The following ANGPTL1 variants were observed in gnomAD, a reference collection of about 807,000 sequenced individuals.
ANGPTL1 encodes angiopoietin like 1.
A neutral mutation model predicts 46.7 loss-of-function variants in ANGPTL1; 36 were observed. The ratio of observed to expected loss-of-function variants is 0.77; its 90% CI spans 0.59 to 1.02. The LOEUF (loss-of-function observed/expected upper bound fraction) is 1.02, where lower values mean the gene tolerates loss of function less well. ANGPTL1 is among the 50% of genes least tolerant of loss of function. The pLI is 0.00. For synonymous variants in ANGPTL1, 221 were observed against 204.3 expected (o/e 1.08, Z -0.69); for missense variants, 571 against 594.7 (o/e 0.96, Z 0.41).
chr1:178,850,996 T>C lies in ANGPTL1; in HGVS notation c.*133A>G. On this transcript the variant is annotated 3_prime_UTR_variant, in exon 6 of 6. Transcript: ENST00000234816. ...TACATTTATAGGTTCCCTTTTATAGTTACGGTAAAATTCATTTTAAAAACT... is the reference window on the plus strand; with the variant it reads ...TACATTTATAGGTTCCCTTTTATAGCTACGGTAAAATTCATTTTAAAAACT... 1 of 818,926 alleles carries C rather than the reference T, an allele frequency of 1.2e-6. No homozygotes were observed. Among genetic ancestry groups the C allele is most frequent in the Non-Finnish European group, 1.7e-6 (1 of 572,312 alleles). The allele number at this position is 818,926 out of a possible 1,614,324, so 50.7% of individuals were successfully genotyped here.
At chr1:178,863,707 A>G (rs554322560) in intron 3 of ANGPTL1, among the ~76,000 whole-genome samples, 17 of 152,342 alleles carry the variant, frequency 1.1e-4, no homozygotes, top group Middle Eastern at 3.4e-3. Context: ...AAAATACTCT[A>G]AAGTAGAATA....
intron 5 of ANGPTL1, 53 bp downstream of exon 5, chr1:178,852,630 T>G: frequency 1.3e-6 from 2 of 1,530,500 alleles, no homozygotes; most frequent in Non-Finnish European, 1.8e-6. Flanking sequence ...TAGATTCTAT[T>G]TAATGCATAG....
Position 178,865,626 on chromosome 1 carries a change from A to G in ANGPTL1, c.151T>C (p.Tyr51His). The G allele has an allele frequency of 2.5e-6, 4 of 1,613,990 alleles. No individual in the cohort carries two copies. Among genetic ancestry groups the G allele is most frequent in the Non-Finnish European group, 2.5e-6 (3 of 1,179,942 alleles). The change falls in exon 3 of 6, where the codon TAC (tyrosine) becomes CAC (histidine). Residue 51 changes from tyrosine to histidine, a missense_variant. By Grantham distance (83) the Tyr-to-His change is moderately conservative (BLOSUM62 2). Transcript: ENST00000234816. ...CTTTGTTCAGGTACCAGGAATGTGT[A>G]TGCACATTTCTTTGCTTCCTCTTTA... ...DGKEEAKKCAYTFLVPEQRIT... is the reference protein window; with the variant it reads ...DGKEEAKKCAHTFLVPEQRIT...
intron 3 of ANGPTL1, among the ~76,000 whole-genome samples, chr1:178,856,669 C>T (rs191555660): frequency 5.9e-5 from 9 of 151,872 alleles, no homozygotes; most frequent in African/African-American, 1.9e-4. Flanking sequence ...TAGTCATCAT[C>T]GGTAATTGTT....
chr1:178,865,136 G>C lies in ANGPTL1; in HGVS notation c.641C>G (p.Pro214Arg), dbSNP rs144366166. 8.8e-5 allele frequency: 141 copies of C among 1,595,294 alleles called. 1 individual carries two copies. Among genetic ancestry groups the C allele is most frequent in the Admixed American group, 1.7e-4 (10 of 59,376 alleles). ...FSRQDTHVSP[P>R]LVQVVPQHIP... ...ATGTTGTGGCACCACCTGGACAAGTGGGGGAGACACATGGGTGTCTTGTCG... is the reference window on the plus strand; with the variant it reads ...ATGTTGTGGCACCACCTGGACAAGTCGGGGAGACACATGGGTGTCTTGTCG... Residue 214 changes from proline to arginine, a missense_variant, in exon 3 of 6, where the codon CCA becomes CGA. Physicochemically the swap from Pro to Arg is moderately radical, Grantham distance 103 (BLOSUM62 -2). Transcript: ENST00000234816.
chr1:178,859,065 A>G (rs796685977), intron 3 of ANGPTL1, among the ~76,000 whole-genome samples: 4 of 152,178 alleles, frequency 2.6e-5, no homozygotes, highest in South Asian at 2.1e-4. Context: ...CTGAAGTGAC[A>G]GTAGGGTCTT....
At chr1:178,868,754 C>T (rs1241584793) in intron 2 of ANGPTL1, among the ~76,000 whole-genome samples, 1 of 151,798 alleles carries the variant, frequency 6.6e-6, no homozygotes, top group Non-Finnish European at 1.5e-5. Context: ...TCACTGTTTA[C>T]CATAAGAGAA....
intron 3 of ANGPTL1, among the ~76,000 whole-genome samples, chr1:178,858,313 C>T (rs539698104): frequency 2.5e-4 from 38 of 152,184 alleles, no homozygotes; most frequent in African/African-American, 9.1e-4. Flanking sequence ...TCTATTGTCC[C>T]TATCTTAAAT....
intron 3 of ANGPTL1, among the ~76,000 whole-genome samples, chr1:178,864,607 C>T (rs899182341): frequency 2.0e-5 from 3 of 152,102 alleles, no homozygotes; most frequent in Non-Finnish European, 2.9e-5. Flanking sequence ...GTAGCAGCGA[C>T]GACCTAGCTA....
At chr1:178,856,435 A>T (rs1657591825) in intron 3 of ANGPTL1, among the ~76,000 whole-genome samples, 2 of 45,738 alleles carry the variant, frequency 4.4e-5, no homozygotes, top group Non-Finnish European at 8.4e-5. Flanking sequence ...TTGAGAGATG[A>T]GGTCTTGGTA....
At chr1:178,853,891 C>T (rs970877321) in intron 3 of ANGPTL1, 104 bp from the exon 4 acceptor site, 6 of 837,998 alleles carry the variant, frequency 7.2e-6, no homozygotes, top group African/African-American at 1.8e-5. Flanking sequence ...TTTACAGTTA[C>T]CATTGTTTAT....
intron 3 of ANGPTL1, among the ~76,000 whole-genome samples, chr1:178,856,892 A>G (rs1435580200): frequency 3.3e-5 from 5 of 152,210 alleles, no homozygotes; most frequent in Non-Finnish European, 7.3e-5. Context: ...AGCTCTTAAC[A>G]TAATTTGTAT....
Position 178,865,664 on chromosome 1 carries a change from C to T in ANGPTL1, c.113G>A (p.Arg38His), listed in dbSNP as rs148415335. 6.2e-6 allele frequency: 10 copies of T among 1,613,930 alleles called. No individual in the cohort carries two copies. Among genetic ancestry groups the T allele is most frequent in the African/African-American group, 5.3e-5 (4 of 75,002 alleles). The part of the protein sequence containing the change: ...IKKINQRRYP[R>H]ATDGKEEAKK... ...TGCTTCCTCTTTACCATCTGTGGCA[C>T]GAGGGTATCTTCTCTGGTTTATTTT... The change falls in exon 3 of 6, where the codon CGT becomes CAT. Residue 38 changes from arginine (R) to histidine (H), a missense_variant. Coordinates refer to ENST00000234816, the MANE Select transcript of ANGPTL1 (RefSeq NM_004673.4).
At chr1:178,859,556 A>G (rs935893362) in intron 3 of ANGPTL1, among the ~76,000 whole-genome samples, 28 of 151,464 alleles carry the variant, frequency 1.8e-4, no homozygotes, top group South Asian at 2.1e-4. Flanking sequence ...GGCGCCCGCC[A>G]CTACGAAGTT....
At chr1:178,853,491 T>C (rs1291541335) in intron 4 of ANGPTL1, 103 bp downstream of exon 4, 7 of 996,720 alleles carry the variant, frequency 7.0e-6, no homozygotes, top group Middle Eastern at 2.6e-4. Flanking sequence ...TATGGATAGT[T>C]ATTTTTAACT....
rs144875625 is a variant in ANGPTL1, at chr1:178,850,903, CATA to C, written c.*223_*225del. ...GAAAACAAACTTTGTATTTAGTCAACATAATTTTTAAAATAACTAGGTTGTGGA... is the reference window on the plus strand; with the variant it reads ...GAAAACAAACTTTGTATTTAGTCAACATTTTTAAAATAACTAGGTTGTGGA... On this transcript the variant is annotated 3_prime_UTR_variant, in exon 6 of 6. Transcript: ENST00000234816. The C allele has an allele frequency of 8.3e-3, 3,139 of 377,864 alleles. 94 individuals carry two copies. The highest frequency in any genetic ancestry group is 0.059 in the African/African-American group (2,851 of 48,088). 23.4% of individuals were successfully genotyped at this position (377,864 alleles called of 1,614,324 possible).
Position 178,853,736 on chromosome 1 carries a change from C to T in ANGPTL1, c.875G>A (p.Gly292Glu). 1 of 1,605,666 alleles carries T rather than the reference C, an allele frequency of 6.2e-7. No homozygotes were observed. Among genetic ancestry groups the T allele is most frequent in the South Asian group, 1.1e-5 (1 of 89,736 alleles). The change falls in exon 4 of 6, where the codon GGG (glycine) becomes GAG (glutamate). Residue 292 changes from glycine to glutamate, a missense_variant. Physicochemically the swap from Gly to Glu is moderately conservative, Grantham distance 98. Coordinates refer to ENST00000234816, the MANE Select transcript of ANGPTL1 (RefSeq NM_004673.4). ...GTTTTCAGGTTTAATCATATAAATC[C>T]CACTGACCGAATGCCCAGCTTCTTT... is the stretch of plus-strand genomic sequence containing the variant. Reference protein sequence around the residue: ...QAKEAGHSVSGIYMIKPENSN... With the variant: ...QAKEAGHSVSEIYMIKPENSN...
intron 3 of ANGPTL1, among the ~76,000 whole-genome samples, chr1:178,861,080 A>G (rs1239933814): frequency 1.3e-5 from 2 of 152,194 alleles, no homozygotes; most frequent in African/African-American, 4.8e-5. Context: ...CAAATGAGAA[A>G]ACACAAACTG....
intron 3 of ANGPTL1, among the ~76,000 whole-genome samples, chr1:178,857,065 A>G (rs751729508): frequency 6.6e-6 from 1 of 152,206 alleles, no homozygotes; most frequent in Non-Finnish European, 1.5e-5. Context: ...GTAGGAAGGA[A>G]GGGTAAAGAG....
Sources: gnomAD v4.1 joint callset for allele counts (sites outside exome capture counted in the v4.1 genomes callset) on GRCh38, gnomAD v4.1.1 for gene constraint, MANE v1.5 for transcripts, NCBI Gene and HGNC (gene_info 2026-07-23, HGNC 2026-07-21) for gene names.